The following OC90 variants were observed in gnomAD, a reference collection of about 807,000 sequenced individuals.
OC90 encodes the protein otoconin 90.
In OC90, 46 loss-of-function variants were observed where a neutral mutation model predicts 47.3. That is an observed-to-expected ratio of 0.97 (90% CI 0.77 to 1.24). The LOEUF is 1.24. OC90 is among the 50% of genes most tolerant of loss of function. OC90 has a pLI of 0.00. For synonymous variants in OC90, 271 were observed against 219.5 expected, an observed-to-expected ratio of 1.23 and a Z score of -2.07; for missense variants, 688 against 583.9, an observed-to-expected ratio of 1.18 and a Z score of -1.84.
chr8:132,057,182 G>A (rs1024214510), intron 1 of OC90, among the ~76,000 whole-genome samples: 1 of 152,202 alleles, frequency 6.6e-6, no homozygotes, highest in Non-Finnish European at 1.5e-5. Context: ...CGAGGTCAAA[G>A]GCTCAATAAG....
At chr8:132,026,330 A>G (rs945928073) in intron 13 of OC90, among the ~76,000 whole-genome samples, 1 of 152,234 alleles carries the variant, frequency 6.6e-6, no homozygotes, top group African/African-American at 2.4e-5. Flanking sequence ...TGAAATGTTC[A>G]TCAACCAGAT....
intron 8 of OC90, 91 bp from the exon 9 acceptor site, chr8:132,037,579 G>C: frequency 8.8e-7 from 1 of 1,141,106 alleles, no homozygotes; most frequent in South Asian, 1.3e-5. Flanking sequence ...GCTGGTTGCT[G>C]GCCCAAGGGA....
intron 2 of OC90, among the ~76,000 whole-genome samples, chr8:132,051,428 C>T (rs979911454): frequency 6.6e-6 from 1 of 152,150 alleles, no homozygotes; most frequent in Non-Finnish European, 1.5e-5. Flanking sequence ...TTTTTTGAAG[C>T]TTTGGCATTT....
intron 9 of OC90, among the ~76,000 whole-genome samples, 188 bp from the exon 10 acceptor site, chr8:132,035,022 AC>A (rs1456256048): frequency 1.3e-5 from 2 of 152,128 alleles, no homozygotes; most frequent in East Asian, 3.9e-4. Flanking sequence ...GCCAAAGGGA[AC>A]CCCCCAGAAA....
At chr8:132,029,264 C>A in intron 12 of OC90, 85 bp from the exon 13 acceptor site, 1 of 1,044,794 alleles carries the variant, frequency 9.6e-7, no homozygotes, top group Non-Finnish European at 1.5e-6. Context: ...CTCCCACATA[C>A]CCTATAGTAG....
Position 132,042,456 on chromosome 8 carries a change from G to A in OC90, c.170-757C>T, listed in dbSNP as rs919982026. Among the ~76,000 whole-genome samples the A allele has an allele frequency of 3.9e-5, 6 of 152,026 alleles. 1 individual carries two copies. The highest frequency in any genetic ancestry group is 1.9e-4 in the East Asian group (1 of 5,190). On this transcript the variant is annotated intron_variant, in intron 4 of 13. Coordinates refer to ENST00000254627, the MANE Select transcript of OC90 (RefSeq NM_001080399.3). ...CATGGGTAAATTGATACTGAGGCTC[G>A]GGGTCCCAACAATCCCCTCACCCAG...
intron 11 of OC90, 66 bp from the exon 12 acceptor site, chr8:132,032,118 A>C: frequency 6.8e-7 from 1 of 1,468,112 alleles, no homozygotes; most frequent in Non-Finnish European, 9.4e-7. Context: ...CAGGAAGGCC[A>C]TGTGAGCCTC....
intron 2 of OC90, 91 bp from the exon 3 acceptor site, chr8:132,045,974 A>C: frequency 1.4e-6 from 1 of 730,222 alleles, no homozygotes; most frequent in Non-Finnish European, 2.4e-6. Flanking sequence ...CCAGACAAAC[A>C]ATGGGAATTC....
chr8:132,037,977 T>C (rs1156869629), intron 8 of OC90, among the ~76,000 whole-genome samples: 1 of 152,178 alleles, frequency 6.6e-6, no homozygotes, highest in Non-Finnish European at 1.5e-5. Context: ...CACTCATGCA[T>C]GCACACATAC....
intron 6 of OC90, among the ~76,000 whole-genome samples, chr8:132,039,608 C>T (rs1045293273): frequency 1.4e-4 from 22 of 152,144 alleles, no homozygotes; most frequent in African/African-American, 1.9e-4. Context: ...ACCTAGGAAA[C>T]GTCACATGAT....
rs779134979 is a variant in OC90, at chr8:132,026,191, G to A, written c.1139-1415C>T. Among the ~76,000 whole-genome samples the A allele has an allele frequency of 1.4e-4, 22 of 152,172 alleles. 1 individual carries two copies. Among genetic ancestry groups the A allele is most frequent in the Admixed American group, 1.2e-3 (19 of 15,286 alleles). The stretch of plus-strand genomic sequence containing the variant: ...TCAATGTATGAGTTGCATGCAGTGG[G>A]AGTGGTGTGACTCAAATGAAATAAT... On this transcript the variant is annotated intron_variant, in intron 13 of 13. Coordinates refer to ENST00000254627, the MANE Select transcript of OC90 (RefSeq NM_001080399.3).
At chr8:132,049,700 A>G in intron 2 of OC90, 2 of 417,836 alleles carry the variant, frequency 4.8e-6, no homozygotes, top group Admixed American at 2.2e-5. Flanking sequence ...CTTTCCATAT[A>G]ATTTTTAGCT....
intron 3 of OC90, among the ~76,000 whole-genome samples, chr8:132,045,124 A>G (rs1266409263): frequency 6.6e-6 from 1 of 152,240 alleles, no homozygotes; most frequent in Non-Finnish European, 1.5e-5. Context: ...TAATTAAAGA[A>G]GGCCTCCTGG....
Position 132,024,471 on chromosome 8 carries a change from C to A in OC90, c.*10G>T, listed in dbSNP as rs11984482. 7.4e-3 allele frequency: 11,282 copies of A among 1,527,920 alleles called. 92 individuals are homozygous for A. Among genetic ancestry groups the A allele is most frequent in the African/African-American group, 0.04 (2,916 of 72,242 alleles). The allele number at this position is 1,527,920 out of a possible 1,614,324, so 94.6% of individuals were successfully genotyped here. On this transcript the variant is annotated 3_prime_UTR_variant, in exon 14 of 14. Coordinates refer to ENST00000254627, the MANE Select transcript of OC90 (RefSeq NM_001080399.3). The stretch of plus-strand genomic sequence containing the variant: ...CGCTACTGAAGGTGTTAGCCATTTT[C>A]TCTGGGCATCTATCTTCCATGAAGA...
rs191273354 is a variant in OC90 at position 132,025,088 on chromosome 8, C to A, written c.1139-312G>T. On this transcript the variant is annotated intron_variant, in intron 13 of 13. Transcript: ENST00000254627. ...TCCTGTGGGCTCCCATGGAATCCCA[C>A]TTCGTGTTTTTTTCTATCACTGCAG... Among the ~76,000 whole-genome samples the A allele has an allele frequency of 2.0e-4, 30 of 152,352 alleles. 1 individual carries two copies. The highest frequency in any genetic ancestry group is 3.9e-4 in the Admixed American group (6 of 15,310).
intron 2 of OC90, among the ~76,000 whole-genome samples, chr8:132,048,081 G>GCC (rs1482940006): frequency 6.6e-6 from 1 of 152,106 alleles, no homozygotes; most frequent in Admixed American, 6.5e-5. Context: ...AAACGAGAAG[G>GCC]CCCTCACCAG....
chr8:132,056,958 G>A (rs1411852568), intron 1 of OC90, among the ~76,000 whole-genome samples: 1 of 152,168 alleles, frequency 6.6e-6, no homozygotes, highest in Non-Finnish European at 1.5e-5. Context: ...TTACAGATGA[G>A]ATCATTGAGG....
At chr8:132,028,640 A>C (rs1822809135) in intron 13 of OC90, among the ~76,000 whole-genome samples, 1 of 107,446 alleles carries the variant, frequency 9.3e-6, no homozygotes, top group Non-Finnish European at 2.0e-5. Flanking sequence ...GAAGGAAAGA[A>C]AGGAAGGAAG....
intron 1 of OC90, among the ~76,000 whole-genome samples, chr8:132,058,713 C>T (rs73353126): frequency 0.072 from 10,923 of 152,214 alleles, 448 homozygotes; most frequent in Non-Finnish European, 0.081. Flanking sequence ...ACACCATCTC[C>T]GGCACTTGCT....
Sources: gnomAD v4.1 joint callset for allele counts (sites outside exome capture counted in the v4.1 genomes callset) on GRCh38, gnomAD v4.1.1 for gene constraint, MANE v1.5 for transcripts, NCBI Gene and HGNC (gene_info 2026-07-23, HGNC 2026-07-21) for gene names.